AMOTL2: variants seen among roughly 807,000 people sequenced by gnomAD.
The protein encoded by AMOTL2 is angiomotin-like protein 2.
In AMOTL2, 33 loss-of-function variants were observed where a neutral mutation model predicts 78.4. That is an observed-to-expected ratio of 0.42 (90% CI 0.32 to 0.56). AMOTL2 has a LOEUF of 0.56. AMOTL2 is among the 20% of genes least tolerant of loss of function. The pLI is 0.12. For missense variants in AMOTL2, 983 were observed against 1,030.1 expected, an observed-to-expected ratio of 0.95 and a Z score of 0.63; for synonymous variants, 422 against 428.8, an observed-to-expected ratio of 0.98 and a Z score of 0.20.
At chr3:134,375,080 C>A, upstream of AMOTL2, 1 of 1,478,366 alleles carries the variant, frequency 6.8e-7, no homozygotes, top group Non-Finnish European at 9.0e-7. Flanking sequence ...CCAGCGGCAA[C>A]CTTTGAATGC....
At chr3:134,371,926 TG>T (rs967070460) in intron 1 of AMOTL2, 1 of 187,110 alleles carries the variant, frequency 5.3e-6, no homozygotes, top group African/African-American at 2.3e-5. Context: ...AACAGCCTGA[TG>T]GGCAATTCTA....
At chr3:134,374,481 C>G, upstream of AMOTL2, 1 of 985,638 alleles carries the variant, frequency 1.0e-6, no homozygotes, top group Non-Finnish European at 1.2e-6. Context: ...GCCCCAGGGT[C>G]GGCCCGCGCC....
chr3:134,358,151 T>C (rs2107734893), intron 9 of AMOTL2, among the ~76,000 whole-genome samples: 1 of 152,372 alleles, frequency 6.6e-6, no homozygotes, highest in African/African-American at 2.4e-5. Context: ...CTCAGATTTC[T>C]CCTTCCCGGA....
At chr3:134,373,780 T>A in intron 1 of AMOTL2, 1 of 985,366 alleles carries the variant, frequency 1.0e-6, no homozygotes. Context: ...TCCGCCTCCC[T>A]CCCTCTCGAG....
At chr3:134,375,180 C>T, upstream of AMOTL2, 2 of 1,534,828 alleles carry the variant, frequency 1.3e-6, no homozygotes, top group Non-Finnish European at 1.7e-6. Context: ...TCAATTTGAC[C>T]CACCTACCCA....
At chr3:134,375,398 C>T, upstream of AMOTL2, 2 of 721,752 alleles carry the variant, frequency 2.8e-6, no homozygotes, top group Non-Finnish European at 4.8e-6. Flanking sequence ...AGCAGCGTGC[C>T]CAGAGTCACA....
At chr3:134,373,793 C>G (rs1461736218) in intron 1 of AMOTL2, 54 of 985,376 alleles carry the variant, frequency 5.5e-5, no homozygotes, top group Non-Finnish European at 6.1e-5. Flanking sequence ...CTCTCGAGCC[C>G]TCTTTGTTTT....
intron 2 of AMOTL2, 125 bp downstream of exon 2, chr3:134,370,575 T>G (rs1481595305): frequency 9.5e-6 from 12 of 1,263,512 alleles, no homozygotes; most frequent in Non-Finnish European, 1.3e-5. Flanking sequence ...CTCTCCCTTC[T>G]CAGGTTGGAG....
chr3:134,375,024 T>C (rs546510191), upstream of AMOTL2: 340 of 1,442,642 alleles, frequency 2.4e-4, 1 homozygote, highest in South Asian at 8.7e-4. Flanking sequence ...AAGTGAATGC[T>C]TCCAGCCACA....
Position 134,374,419 on chromosome 3 carries a change from T to G in AMOTL2, c.-139A>C. The G allele has an allele frequency of 2.0e-6, 2 of 985,168 alleles. No individual in the cohort carries two copies. The highest frequency in any genetic ancestry group is 2.4e-6 in the Non-Finnish European group (2 of 829,868). 61.0% of individuals were successfully genotyped at this position (985,168 alleles called of 1,614,324 possible). ...GCCCAGCTCAGCTCGGCGGCGAAGA[T>G]GTGTTCTCGGCCGTGGCGCCGACGC... On this transcript the variant is annotated 5_prime_UTR_variant, in exon 1 of 10. Coordinates refer to ENST00000249883, the MANE Select transcript of AMOTL2 (RefSeq NM_016201.4).
intron 1 of AMOTL2, chr3:134,373,637 T>C (rs2107751272): frequency 1.0e-6 from 1 of 985,370 alleles, no homozygotes; most frequent in East Asian, 1.1e-4. Context: ...AGCTAGGAGG[T>C]TCTGGCACCC....
rs775020523 is a variant in AMOTL2, at chr3:134,366,359, C to T, written c.1110G>A (p.Glu370=). The change falls in exon 4 of 10, where the codon GAG becomes GAA. Residue 370 remains glutamate, a synonymous_variant. Transcript: ENST00000249883. The part of the protein sequence containing the change: ...ESLTRASSKR[E]ALEKTMRNKM... Reference sequence around the variant, plus strand: ...TGTTCCGCATGGTCTTCTCCAGGGCCTCACGCTTGGAGGAGGCTCTGGTCA... The same window carrying T: ...TGTTCCGCATGGTCTTCTCCAGGGCTTCACGCTTGGAGGAGGCTCTGGTCA... The T allele has an allele frequency of 6.2e-7, 1 of 1,614,178 alleles. No individual in the cohort carries two copies. Among genetic ancestry groups the T allele is most frequent in the Non-Finnish European group, 8.5e-7 (1 of 1,180,034 alleles).
intron 8 of AMOTL2, 92 bp from the exon 9 acceptor site, chr3:134,358,811 A>C: frequency 6.8e-7 from 1 of 1,463,576 alleles, no homozygotes; most frequent in Non-Finnish European, 9.4e-7. Flanking sequence ...TGGGGATTCA[A>C]GGTGGAGTGG....
rs547203392 is a variant in AMOTL2 at position 134,367,305 on chromosome 3, C to G, written c.1041+192G>C. Among the ~76,000 whole-genome samples, 50 of 152,308 alleles carry G rather than the reference C, an allele frequency of 3.3e-4. No individual in the cohort carries two copies. The East Asian group carries it at 9.1e-3, about 28-fold the overall frequency. On this transcript the variant is annotated intron_variant, in intron 3 of 9. Coordinates refer to ENST00000249883, the MANE Select transcript of AMOTL2 (RefSeq NM_016201.4). ...CAGGCCTGCTCTGCCGGCCTCTCGG[C>G]TGTTCCCCAGCTGTCTGGAGTCAGC... is the stretch of plus-strand genomic sequence containing the variant.
At position 134,360,222 on chromosome 3, in the gene AMOTL2, C is replaced by T. The variant is rs2241558; in HGVS notation, c.1767G>A (p.Thr589=). Residue 589 remains threonine, a synonymous_variant, in exon 7 of 10, where the codon ACG becomes ACA. Coordinates refer to ENST00000249883, the MANE Select transcript of AMOTL2 (RefSeq NM_016201.4). ...GAGTGGTGTCACGCTGAGCAGCAGC[C>T]GTGGCAGCCGCATCCATGGCAAACT... ...MRQFAMDAAA[T]AAAQRDTTLI... is the part of the protein sequence containing the mutation. 7.3e-3 allele frequency: 11,809 copies of T among 1,613,948 alleles called. 539 individuals carry two copies. In the East Asian group the frequency reaches 0.13, roughly 18 times the overall value.
chr3:134,367,431 C>T, intron 3 of AMOTL2, 66 bp downstream of exon 3: 1 of 1,562,504 alleles, frequency 6.4e-7, no homozygotes. Flanking sequence ...TTGGACTACC[C>T]ACTCCCCAGG....
chr3:134,359,409 C>G lies in AMOTL2; in HGVS notation c.1978G>C (p.Gly660Arg), dbSNP rs778598828. 1 of 1,614,162 alleles carries G rather than the reference C, an allele frequency of 6.2e-7. No homozygotes were observed. Among genetic ancestry groups the G allele is most frequent in the East Asian group, 2.2e-5 (1 of 44,872 alleles). ...SRRDPGKAIQ[G>R]SLRPAKSVPS... ...ACCGACTTGGCAGGCCGCAGGGAGC[C>G]CTGGATGGCCTTGCCAGGGTCTCTC... The change falls in exon 8 of 10, where the codon GGC becomes CGC. Residue 660 changes from glycine to arginine, a missense_variant. By Grantham distance (125) the Gly-to-Arg change is moderately radical. Coordinates refer to ENST00000249883, the MANE Select transcript of AMOTL2 (RefSeq NM_016201.4).
intron 8 of AMOTL2, 126 bp downstream of exon 8, chr3:134,359,157 C>T (rs2017222436): frequency 9.5e-7 from 1 of 1,048,824 alleles, no homozygotes; most frequent in African/African-American, 1.6e-5. Context: ...AAGCCAGCTC[C>T]CCTGGAAGAG....
Position 134,370,717 on chromosome 3 carries a change from G to A in AMOTL2, c.717C>T (p.Phe239=). 1 of 1,510,780 alleles carries A rather than the reference G, an allele frequency of 6.6e-7. No homozygotes were observed. Among genetic ancestry groups the A allele is most frequent in the Non-Finnish European group, 8.9e-7 (1 of 1,129,766 alleles). The allele number at this position is 1,510,780 out of a possible 1,614,324, so 93.6% of individuals were successfully genotyped here. Residue 239 remains phenylalanine (F), a synonymous_variant, in exon 2 of 10, where the codon TTC becomes TTT. Transcript: ENST00000249883. ...AGAGTTACCTGACTTCAGCATGCTG[G>A]AAGTGCGGGCTGCCGCGGGCACGGT... ...PRYRARGSPH[F]QHAEVRILQA... is the part of the protein sequence containing the mutation.
Sources: allele counts gnomAD v4.1 joint callset (sites outside exome capture counted in the v4.1 genomes callset), GRCh38; gene constraint gnomAD v4.1.1; transcripts MANE v1.5; gene names NCBI Gene and HGNC (gene_info 2026-07-23, HGNC 2026-07-21).